Variants in UTF1 observed in about 807,000 individuals in gnomAD.
UTF1 encodes the protein undifferentiated embryonic cell transcription factor 1.
UTF1 carries 8 observed loss-of-function variants against 11.8 expected under a neutral mutation model. The ratio of observed to expected loss-of-function variants is 0.68; its 90% CI spans 0.40 to 1.23. The LOEUF is 1.23. UTF1 is among the 50% of genes most tolerant of loss of function. The pLI is 0.01. For missense variants in UTF1, 545 were observed against 542.1 expected, an observed-to-expected ratio of 1.01 and a Z score of -0.05; for synonymous variants, 344 against 271.7, an observed-to-expected ratio of 1.27 and a Z score of -2.62.
rs1845779681 is a variant in UTF1, at chr10:133,230,333, G to A, written c.45G>A (p.Ala15=). The A allele has an allele frequency of 8.9e-7, 1 of 1,123,958 alleles. No homozygotes were observed. Among genetic ancestry groups the A allele is most frequent in the African/African-American group, 1.7e-5 (1 of 60,158 alleles). The allele number at this position is 1,123,958 out of a possible 1,614,324, so 69.6% of individuals were successfully genotyped here. Residue 15 remains alanine, a synonymous_variant, in exon 1 of 2, where the codon GCG becomes GCA. Transcript: ENST00000304477. ...GGCCGCCCCCGCTCGCGCCCCCCGC[G>A]CCGCCCTCGCCCGCCAGCCCCGACC... ...PRRPPPLAPP[A]PPSPASPDPE... is the part of the protein sequence containing the mutation.
Position 133,231,482 on chromosome 10 carries a change from C to G in UTF1, c.*40C>G. Reference sequence around the variant, plus strand: ...CAGTCTCCCCTCTCCAGGCCGAGGCCCCTCCGCCCTGACCCCTCCTGCTGC... The same window carrying G: ...CAGTCTCCCCTCTCCAGGCCGAGGCGCCTCCGCCCTGACCCCTCCTGCTGC... On this transcript the variant is annotated 3_prime_UTR_variant, in exon 2 of 2. Coordinates refer to ENST00000304477, the MANE Select transcript of UTF1 (RefSeq NM_003577.3). The G allele has an allele frequency of 2.2e-6, 3 of 1,380,244 alleles. No homozygotes were observed. The highest frequency in any genetic ancestry group is 2.8e-6 in the Non-Finnish European group (3 of 1,059,572). The allele number at this position is 1,380,244 out of a possible 1,614,324, so 85.5% of individuals were successfully genotyped here. A position where few individuals can be genotyped will look rare whatever the true frequency, so the allele number is the denominator to read the frequency against.
chr10:133,230,242 G>A lies in UTF1; in HGVS notation c.-47G>A. On this transcript the variant is annotated 5_prime_UTR_variant, in exon 1 of 2. Coordinates refer to ENST00000304477, the MANE Select transcript of UTF1 (RefSeq NM_003577.3). Reference sequence around the variant, plus strand: ...AGAACGCGTGTGGGCGGCCCGGGCGGCGTCTGGCCCTCTCCCCATCCTCGC... The same window carrying A: ...AGAACGCGTGTGGGCGGCCCGGGCGACGTCTGGCCCTCTCCCCATCCTCGC... The A allele has an allele frequency of 9.7e-7, 1 of 1,033,152 alleles. No homozygotes were observed. Among genetic ancestry groups the A allele is most frequent in the Non-Finnish European group, 1.2e-6 (1 of 862,588 alleles). 64.0% of individuals were successfully genotyped at this position (1,033,152 alleles called of 1,614,324 possible). A position where few individuals can be genotyped will look rare whatever the true frequency, so the allele number is the denominator to read the frequency against.
At position 133,230,458 on chromosome 10, in the gene UTF1, C is replaced by T. The variant is rs1228156302; in HGVS notation, c.170C>T (p.Ser57Leu). The change falls in exon 1 of 2, where the codon TCG (serine) becomes TTG (leucine). Residue 57 changes from serine (S) to leucine (L), a missense_variant. Around this residue, in one of 3 missense-constraint regions of UTF1, gnomAD observed 129 missense variants for 148.5 expected, o/e 0.87. Coordinates refer to ENST00000304477, the MANE Select transcript of UTF1 (RefSeq NM_003577.3). ...GELGLPVSPG[S>L]AQRTPWSARE... ...CTCGGGTTGCCGGTGTCCCCGGGCT[C>T]GGCGCAGCGCACGCCCTGGAGCGCC... The T allele has an allele frequency of 1.4e-6, 2 of 1,409,498 alleles. No individual in the cohort carries two copies. Among genetic ancestry groups the T allele is most frequent in the Non-Finnish European group, 1.9e-6 (2 of 1,080,944 alleles). 87.3% of individuals were successfully genotyped at this position (1,409,498 alleles called of 1,614,324 possible). A position where few individuals can be genotyped will look rare whatever the true frequency, so the allele number is the denominator to read the frequency against.
At position 133,230,813 on chromosome 10, in the gene UTF1, G is replaced by A. The variant is rs1319148602; in HGVS notation, c.525G>A (p.Ala175=). The change falls in exon 1 of 2, where the codon GCG becomes GCA. Residue 175 remains alanine, a synonymous_variant. Transcript: ENST00000304477. ...PQRARRPVPN[A]HAPAPSEPDA... is the part of the protein sequence containing the mutation. ...GCGCCCGCCGCCCGGTCCCCAACGC[G>A]CACGCGCCGGCTCCCAGCGAACCAG... 19 of 1,315,822 alleles carry A rather than the reference G, an allele frequency of 1.4e-5. No individual in the cohort carries two copies. Among genetic ancestry groups the A allele is most frequent in the South Asian group, 2.2e-5 (1 of 46,098 alleles). 81.5% of individuals were successfully genotyped at this position (1,315,822 alleles called of 1,614,324 possible).
In UTF1 at chr10:133,231,130, G is replaced by T. The variant is rs1301903667; in HGVS notation, c.714G>T (p.Ala238=). ...CCACCTGCATCCCCGAGGACCGCGC[G>T]CCCGTCCGCGGCCCCGGGTCCCCGC... ...ALATCIPEDR[A]PVRGPGSPPP... The change falls in exon 2 of 2, where the codon GCG becomes GCT. Residue 238 remains alanine (A), a synonymous_variant. Transcript: ENST00000304477. 2.5e-6 allele frequency: 3 copies of T among 1,219,448 alleles called. No homozygotes were observed. The highest frequency in any genetic ancestry group is 3.0e-6 in the Non-Finnish European group (3 of 985,908). The allele number at this position is 1,219,448 out of a possible 1,614,324, so 75.5% of individuals were successfully genotyped here.
rs7092433 is a variant in UTF1, at chr10:133,230,298, C to A, written c.10C>A (p.Arg4=). 0.85 allele frequency: 903,987 copies of A among 1,069,632 alleles called. 384,570 individuals are homozygous for A. Among genetic ancestry groups the A allele is most frequent in the Non-Finnish European group, 0.87 (770,621 of 888,106 alleles). 66.3% of individuals were successfully genotyped at this position (1,069,632 alleles called of 1,614,324 possible). A position where few individuals can be genotyped will look rare whatever the true frequency, so the allele number is the denominator to read the frequency against. The change falls in exon 1 of 2, where the codon CGG becomes AGG. Residue 4 remains arginine (R), a synonymous_variant. Transcript: ENST00000304477. Reference sequence around the variant, plus strand: ...GCGCCCCAGCCCCGGGATGCTGCTCCGGCCCCGCAGGCCGCCCCCGCTCGC... The same window carrying A: ...GCGCCCCAGCCCCGGGATGCTGCTCAGGCCCCGCAGGCCGCCCCCGCTCGC... The part of the protein sequence containing the change: MLL[R]PRRPPPLAPP...
In UTF1 at chr10:133,230,270, G is replaced by T. The variant is rs1305998818; in HGVS notation, c.-19G>T. On this transcript the variant is annotated 5_prime_UTR_variant, in exon 1 of 2. Transcript: ENST00000304477. ...TCTGGCCCTCTCCCCATCCTCGCGC[G>T]CCGCGCCCCAGCCCCGGGATGCTGC... is the stretch of plus-strand genomic sequence containing the variant. The T allele has an allele frequency of 5.6e-5, 59 of 1,045,762 alleles. No individual in the cohort carries two copies. In the African/African-American group the frequency reaches 9.8e-4, roughly 17 times the overall value. 64.8% of individuals were successfully genotyped at this position (1,045,762 alleles called of 1,614,324 possible).
chr10:133,230,855 G>A lies in UTF1; in HGVS notation c.550+17G>A. On this transcript the variant is annotated intron_variant, in intron 1 of 1. Coordinates refer to ENST00000304477, the MANE Select transcript of UTF1 (RefSeq NM_003577.3). Reference sequence around the variant, plus strand: ...GCGAACCAGGTAGGCGGGGGACTGGGGGGCCAGGTGGGGCCGAGGACTGCG... The same window carrying A: ...GCGAACCAGGTAGGCGGGGGACTGGAGGGCCAGGTGGGGCCGAGGACTGCG... The A allele has an allele frequency of 1.5e-6, 2 of 1,290,996 alleles. No homozygotes were observed. Among genetic ancestry groups the A allele is most frequent in the East Asian group, 3.2e-5 (1 of 31,118 alleles). 80.0% of individuals were successfully genotyped at this position (1,290,996 alleles called of 1,614,324 possible).
At position 133,230,771 on chromosome 10, in the gene UTF1, G is replaced by C. The variant is rs1280696936; in HGVS notation, c.483G>C (p.Gly161=). 2 of 1,363,666 alleles carry C rather than the reference G, an allele frequency of 1.5e-6. No homozygotes were observed. The highest frequency in any genetic ancestry group is 1.9e-6 in the Non-Finnish European group (2 of 1,063,766). The allele number at this position is 1,363,666 out of a possible 1,614,324, so 84.5% of individuals were successfully genotyped here. A position where few individuals can be genotyped will look rare whatever the true frequency, so the allele number is the denominator to read the frequency against. ...GRKRPRRRSP[G]SGRPQRARRP... ...AACGGCCTCGCCGCCGCTCCCCGGG[G>C]TCCGGGCGCCCCCAGCGCGCCCGCC... Residue 161 remains glycine, a synonymous_variant, in exon 1 of 2, where the codon GGG becomes GGC. Transcript: ENST00000304477.
chr10:133,231,113 A>C lies in UTF1; in HGVS notation c.697A>C (p.Ile233Leu), dbSNP rs1271359118. Reference protein sequence around the residue: ...APAPTALATCIPEDRAPVRGP... With the variant: ...APAPTALATCLPEDRAPVRGP... ...CGCCCCGACCGCCCTCGCCACCTGC[A>C]TCCCCGAGGACCGCGCGCCCGTCCG... is the stretch of plus-strand genomic sequence containing the variant. The change falls in exon 2 of 2, where the codon ATC becomes CTC. Residue 233 changes from isoleucine to leucine, a missense_variant. By Grantham distance (5) the Ile-to-Leu change is conservative. Coordinates refer to ENST00000304477, the MANE Select transcript of UTF1 (RefSeq NM_003577.3). 8.3e-7 allele frequency: 1 copy of C among 1,201,162 alleles called. No homozygotes were observed. 74.4% of individuals were successfully genotyped at this position (1,201,162 alleles called of 1,614,324 possible).
In UTF1 at chr10:133,231,547, T is replaced by G; in HGVS notation, c.*105T>G. The G allele has an allele frequency of 2.0e-6, 2 of 1,023,928 alleles. No individual in the cohort carries two copies. The highest frequency in any genetic ancestry group is 3.6e-5 in the South Asian group (2 of 54,988). The allele number at this position is 1,023,928 out of a possible 1,614,324, so 63.4% of individuals were successfully genotyped here. On this transcript the variant is annotated 3_prime_UTR_variant, in exon 2 of 2. Transcript: ENST00000304477. The stretch of plus-strand genomic sequence containing the variant: ...TCTTGGGTATGTTCAATAAAAGGAT[T>G]GTTTTCCTAGAGTCCGGGCTGTGTA...
At position 133,230,391 on chromosome 10, in the gene UTF1, AC is replaced by A; in HGVS notation, c.107del (p.Pro36ArgfsTer240). ...GCGGACACCCGGAGACGCCCCGGGG[AC>A]CCCGCCCCGGAGGCCCGCCTCGCCC... Reference protein sequence around the residue: ...EPRTPGDAPGTPPRRPASPSA... With the variant: ...EPRTPGDAPGXPPRRPASPSA... On this transcript the variant is annotated frameshift_variant, in exon 1 of 2. Coordinates refer to ENST00000304477, the MANE Select transcript of UTF1 (RefSeq NM_003577.3). LOFTEE classifies it high-confidence loss of function. 1.6e-6 allele frequency: 2 copies of A among 1,283,034 alleles called. No homozygotes were observed. The highest frequency in any genetic ancestry group is 2.0e-5 in the South Asian group (1 of 49,184). The allele number at this position is 1,283,034 out of a possible 1,614,324, so 79.5% of individuals were successfully genotyped here.
Position 133,231,447 on chromosome 10 carries a change from C to T in UTF1, c.*5C>T. The T allele has an allele frequency of 6.9e-7, 1 of 1,456,728 alleles. No individual in the cohort carries two copies. Among genetic ancestry groups the T allele is most frequent in the African/African-American group, 1.4e-5 (1 of 69,430 alleles). The allele number at this position is 1,456,728 out of a possible 1,614,324, so 90.2% of individuals were successfully genotyped here. A position where few individuals can be genotyped will look rare whatever the true frequency, so the allele number is the denominator to read the frequency against. On this transcript the variant is annotated 3_prime_UTR_variant, in exon 2 of 2. Coordinates refer to ENST00000304477, the MANE Select transcript of UTF1 (RefSeq NM_003577.3). Reference sequence around the variant, plus strand: ...CTCAGGGACCCGTGCCAGTGAGTCCCGGCTGCGGCCAGTCTCCCCTCTCCA... The same window carrying T: ...CTCAGGGACCCGTGCCAGTGAGTCCTGGCTGCGGCCAGTCTCCCCTCTCCA...
Position 133,230,230 on chromosome 10 carries a change from G to T in UTF1, c.-59G>T. On this transcript the variant is annotated 5_prime_UTR_variant, in exon 1 of 2. Transcript: ENST00000304477. ...CGCGGGATGCTCAGAACGCGTGTGG[G>T]CGGCCCGGGCGGCGTCTGGCCCTCT... The T allele has an allele frequency of 9.8e-7, 1 of 1,025,510 alleles. No individual in the cohort carries two copies. Among genetic ancestry groups the T allele is most frequent in the Middle Eastern group, 4.8e-4 (1 of 2,090 alleles). 63.5% of individuals were successfully genotyped at this position (1,025,510 alleles called of 1,614,324 possible).
chr10:133,231,089 GC>G lies in UTF1; in HGVS notation c.677del (p.Pro226ArgfsTer50). 1.2e-6 allele frequency: 1 copy of G among 848,504 alleles called. No individual in the cohort carries two copies. The highest frequency in any genetic ancestry group is 1.5e-6 in the Non-Finnish European group (1 of 682,190). The allele number at this position is 848,504 out of a possible 1,614,324, so 52.6% of individuals were successfully genotyped here. ...CGCCCCCGGCTCCCCGCCAGCTCCC[GC>G]CCCGACCGCCCTCGCCACCTGCATC... Reference protein sequence around the residue: ...SPAPGSPPAPAPTALATCIPE... With the variant: ...SPAPGSPPAPXPTALATCIPE... On this transcript the variant is annotated frameshift_variant, in exon 2 of 2. Transcript: ENST00000304477. LOFTEE classifies it low-confidence loss of function (END_TRUNC).
At position 133,231,307 on chromosome 10, in the gene UTF1, C is replaced by T. The variant is rs750246007; in HGVS notation, c.891C>T (p.Arg297=). 11 of 1,597,344 alleles carry T rather than the reference C, an allele frequency of 6.9e-6. No homozygotes were observed. The highest frequency in any genetic ancestry group is 8.5e-6 in the Non-Finnish European group (10 of 1,175,370). ...GDIANILGPL[R]DQLLTLNQHV... ...TCGCGAACATCCTGGGCCCGCTGCGCGACCAGCTGCTGACCTTGAACCAGC... is the reference window on the plus strand; with the variant it reads ...TCGCGAACATCCTGGGCCCGCTGCGTGACCAGCTGCTGACCTTGAACCAGC... Residue 297 remains arginine, a synonymous_variant, in exon 2 of 2, where the codon CGC becomes CGT. Coordinates refer to ENST00000304477, the MANE Select transcript of UTF1 (RefSeq NM_003577.3).
chr10:133,230,380 A>ACGCCCCGGGGACCC lies in UTF1; in HGVS notation c.101_114dup (p.Arg39GlyfsTer242). Reference sequence around the variant, plus strand: ...GACCCCGAGCCGCGGACACCCGGAGACGCCCCGGGGACCCCGCCCCGGAGG... The same window carrying ACGCCCCGGGGACCC: ...GACCCCGAGCCGCGGACACCCGGAGACGCCCCGGGGACCCCGCCCCGGGGACCCCGCCCCGGAGG... On this transcript the variant is annotated frameshift_variant, in exon 1 of 2. Coordinates refer to ENST00000304477, the MANE Select transcript of UTF1 (RefSeq NM_003577.3). LOFTEE classifies it high-confidence loss of function. 4.8e-6 allele frequency: 6 copies of ACGCCCCGGGGACCC among 1,253,006 alleles called. No individual in the cohort carries two copies. Among genetic ancestry groups the ACGCCCCGGGGACCC allele is most frequent in the Non-Finnish European group, 6.0e-6 (6 of 996,880 alleles). The allele number at this position is 1,253,006 out of a possible 1,614,324, so 77.6% of individuals were successfully genotyped here.
rs1284195970 is a variant in UTF1 at position 133,230,284 on chromosome 10, C to G, written c.-5C>G. The G allele has an allele frequency of 9.5e-7, 1 of 1,056,528 alleles. No homozygotes were observed. Among genetic ancestry groups the G allele is most frequent in the Non-Finnish European group, 1.1e-6 (1 of 878,076 alleles). The allele number at this position is 1,056,528 out of a possible 1,614,324, so 65.4% of individuals were successfully genotyped here. A position where few individuals can be genotyped will look rare whatever the true frequency, so the allele number is the denominator to read the frequency against. On this transcript the variant is annotated 5_prime_UTR_variant, in exon 1 of 2. Coordinates refer to ENST00000304477, the MANE Select transcript of UTF1 (RefSeq NM_003577.3). ...CATCCTCGCGCGCCGCGCCCCAGCC[C>G]CGGGATGCTGCTCCGGCCCCGCAGG...
Position 133,230,491 on chromosome 10 carries a change from C to A in UTF1, c.203C>A (p.Thr68Lys). The stretch of plus-strand genomic sequence containing the variant: ...CGCACGCCCTGGAGCGCCCGGGAGA[C>A]GGAGCTGCTGCTGGGGACGCTGCTG... ...AQRTPWSARE[T>K]ELLLGTLLQP... Residue 68 changes from threonine (T) to lysine (K), a missense_variant, in exon 1 of 2, where the codon ACG (threonine) becomes AAG (lysine). Around this residue, in one of 3 missense-constraint regions of UTF1, gnomAD observed 129 missense variants for 148.5 expected, o/e 0.87. Coordinates refer to ENST00000304477, the MANE Select transcript of UTF1 (RefSeq NM_003577.3). 1 of 1,442,106 alleles carries A rather than the reference C, an allele frequency of 6.9e-7. No individual in the cohort carries two copies. Among genetic ancestry groups the A allele is most frequent in the Non-Finnish European group, 9.1e-7 (1 of 1,100,206 alleles). The allele number at this position is 1,442,106 out of a possible 1,614,324, so 89.3% of individuals were successfully genotyped here.
Sources: gnomAD v4.1 joint callset for allele counts on GRCh38, gnomAD v4.1.1 for gene constraint, gnomAD v4.1.1 regional missense constraint, MANE v1.5 for transcripts, NCBI Gene and HGNC (gene_info 2026-07-23, HGNC 2026-07-21) for gene names.